The following TACR1 variants were observed in gnomAD, a reference collection of about 807,000 sequenced individuals.
TACR1 encodes the protein tachykinin receptor 1.
Under a neutral mutation model 35.8 loss-of-function variants are expected in TACR1, and 25 were observed. The observed-to-expected ratio is 0.70, with a 90% CI of 0.51 to 0.98. TACR1 has a LOEUF of 0.98. Ranked by LOEUF, TACR1 falls within the 50% of genes least tolerant of loss-of-function variation. The probability of loss-of-function intolerance (pLI) is 0.00; values close to 1 mark genes in which losing one functional copy is unlikely to be tolerated. For synonymous variants in TACR1, 195 were observed against 206.7 expected, an observed-to-expected ratio of 0.94 and a Z score of 0.48; for missense variants, 478 against 522.9, an observed-to-expected ratio of 0.91 and a Z score of 0.84.
chr2:75,103,389 G>A (rs1394922400), intron 2 of TACR1, among the ~76,000 whole-genome samples: 1 of 152,090 alleles, frequency 6.6e-6, no homozygotes, highest in Admixed American at 6.6e-5. Context: ...ATCCCTGTAA[G>A]TATGGAATAT....
At chr2:75,171,325 T>A (rs1466759358) in intron 1 of TACR1, among the ~76,000 whole-genome samples, 1 of 152,168 alleles carries the variant, frequency 6.6e-6, no homozygotes, top group Non-Finnish European at 1.5e-5. Flanking sequence ...AGTCAAGAAT[T>A]GATGTTTGGG....
intron 2 of TACR1, among the ~76,000 whole-genome samples, chr2:75,079,269 G>A (rs533052568): frequency 2.6e-5 from 4 of 152,000 alleles, no homozygotes; most frequent in Admixed American, 6.5e-5. Context: ...ACACATGGCC[G>A]CTGCTGTAGG....
chr2:75,078,212 T>C (rs1673015655), intron 2 of TACR1, among the ~76,000 whole-genome samples: 1 of 152,144 alleles, frequency 6.6e-6, no homozygotes, highest in Non-Finnish European at 1.5e-5. Context: ...AGCTGAATTA[T>C]GAGCCTAGTT....
rs759935224 is a variant in TACR1, at chr2:75,198,545, C to T, written c.389+1G>A. The T allele has an allele frequency of 1.9e-6, 3 of 1,611,756 alleles. No individual in the cohort carries two copies. Among genetic ancestry groups the T allele is most frequent in the East Asian group, 4.5e-5 (2 of 44,774 alleles). Reference sequence around the variant, plus strand: ...CGCCTTTTCACAAAGGCTAATCTCACCTATCAAAGGCCACAGCCGTCATGG... The same window carrying T: ...CGCCTTTTCACAAAGGCTAATCTCATCTATCAAAGGCCACAGCCGTCATGG... On this transcript the variant is annotated splice_donor_variant, in intron 1 of 4. Coordinates refer to ENST00000305249, the MANE Select transcript of TACR1 (RefSeq NM_001058.4). LOFTEE classifies it high-confidence loss of function.
intron 1 of TACR1, among the ~76,000 whole-genome samples, chr2:75,169,568 C>G (rs1675227200): frequency 6.6e-6 from 1 of 151,998 alleles, no homozygotes; most frequent in Non-Finnish European, 1.5e-5. Flanking sequence ...TTTTATTTTT[C>G]TTGCTAGGAT....
At chr2:75,094,862 T>A (rs75681035) in intron 2 of TACR1, among the ~76,000 whole-genome samples, 2,652 of 76,836 alleles carry the variant, frequency 0.035, 71 homozygotes, top group East Asian at 0.2. Context: ...TATATATATT[T>A]TTTTTTTTTT....
chr2:75,187,589 GGGACCTT>G (rs1345445934), intron 1 of TACR1: 3 of 152,188 alleles, frequency 2.0e-5, no homozygotes, highest in African/African-American at 7.2e-5. Context: ...AGATACAAAT[GGGACCTT>G]GGAGGTAGAA....
At chr2:75,184,619 C>T (rs950806888) in intron 1 of TACR1, among the ~76,000 whole-genome samples, 1 of 151,330 alleles carries the variant, frequency 6.6e-6, no homozygotes, top group East Asian at 1.9e-4. Context: ...AAATAAATAG[C>T]CTTCTAGTAC....
At chr2:75,186,371 CAAAAAAAAAAA>C (rs373147504) in intron 1 of TACR1, among the ~76,000 whole-genome samples, 1 of 81,828 alleles carries the variant, frequency 1.2e-5, no homozygotes, top group South Asian at 4.6e-4. Context: ...GACTCTGTCT[CAAAAAAAAAAA>C]AAAAAAAAAA....
intron 2 of TACR1, among the ~76,000 whole-genome samples, chr2:75,107,435 C>G (rs993388947): frequency 1.3e-5 from 2 of 151,674 alleles, no homozygotes; most frequent in African/African-American, 4.8e-5. Context: ...CTAATAAGTC[C>G]CAAAAGGTAA....
chr2:75,084,692 T>C (rs2103840046), intron 2 of TACR1, among the ~76,000 whole-genome samples: 1 of 152,356 alleles, frequency 6.6e-6, no homozygotes, highest in Middle Eastern at 3.4e-3. Context: ...CCATTTCTTC[T>C]AGATTTTCTA....
chr2:75,075,640 A>C (rs967582958), intron 2 of TACR1, among the ~76,000 whole-genome samples: 1 of 152,236 alleles, frequency 6.6e-6, no homozygotes, highest in Non-Finnish European at 1.5e-5. Context: ...CAATGTTCAC[A>C]ATAAATGTAA....
chr2:75,182,255 AC>A (rs1675576582), intron 1 of TACR1, among the ~76,000 whole-genome samples: 1 of 152,036 alleles, frequency 6.6e-6, no homozygotes, highest in Non-Finnish European at 1.5e-5. Context: ...CTTCTCCTGT[AC>A]CCCCATTGCC....
intron 1 of TACR1, among the ~76,000 whole-genome samples, chr2:75,130,163 T>A (rs1318874248): frequency 2.0e-5 from 3 of 152,238 alleles, no homozygotes; most frequent in Admixed American, 2.0e-4. Flanking sequence ...TGGGGTCCCC[T>A]TAAATTTTGC....
At position 75,048,927 on chromosome 2, in the gene TACR1, G is replaced by C. The variant is rs556001934; in HGVS notation, c.*505C>G. On this transcript the variant is annotated 3_prime_UTR_variant, in exon 5 of 5. Coordinates refer to ENST00000305249, the MANE Select transcript of TACR1 (RefSeq NM_001058.4). ...TCTTTTCACAGATGCTTAGAAGACA[G>C]GGCTAAATTTTTCATTTAGATGTTA... is the stretch of plus-strand genomic sequence containing the variant. 6.4e-6 allele frequency: 1 copy of C among 155,058 alleles called. No homozygotes were observed. Among genetic ancestry groups the C allele is most frequent in the East Asian group, 1.9e-4 (1 of 5,230 alleles). 9.6% of individuals were successfully genotyped at this position (155,058 alleles called of 1,614,324 possible). A position where few individuals can be genotyped will look rare whatever the true frequency, so the allele number is the denominator to read the frequency against.
At chr2:75,101,757 GA>G (rs1673536982) in intron 2 of TACR1, among the ~76,000 whole-genome samples, 1 of 152,118 alleles carries the variant, frequency 6.6e-6, no homozygotes, top group South Asian at 2.1e-4. Flanking sequence ...AGACCAGCCT[GA>G]CCTATATGGT....
Position 75,049,350 on chromosome 2 carries a change from G to T in TACR1, c.*82C>A. The T allele has an allele frequency of 6.8e-7, 1 of 1,472,338 alleles. No individual in the cohort carries two copies. The allele number at this position is 1,472,338 out of a possible 1,614,324, so 91.2% of individuals were successfully genotyped here. On this transcript the variant is annotated 3_prime_UTR_variant, in exon 5 of 5. Coordinates refer to ENST00000305249, the MANE Select transcript of TACR1 (RefSeq NM_001058.4). ...TCCCAGTGTGAGGGTGTTTCTGATG[G>T]TTCCAGATGAAGGGAATTTCCATGC...
At chr2:75,149,107 C>T (rs1674610639) in intron 1 of TACR1, among the ~76,000 whole-genome samples, 1 of 152,078 alleles carries the variant, frequency 6.6e-6, no homozygotes, top group Non-Finnish European at 1.5e-5. Context: ...CAGTACCATG[C>T]TGTTTTGGTT....
intron 2 of TACR1, among the ~76,000 whole-genome samples, chr2:75,059,832 A>G (rs753615303): frequency 1.2e-4 from 19 of 152,102 alleles, no homozygotes; most frequent in Non-Finnish European, 2.2e-4. Flanking sequence ...CTCTTCCTCA[A>G]ATGTCCTTCA....
Sources: gnomAD v4.1 joint callset for allele counts (sites outside exome capture counted in the v4.1 genomes callset) on GRCh38, gnomAD v4.1.1 for gene constraint, MANE v1.5 for transcripts, NCBI Gene and HGNC (gene_info 2026-07-23, HGNC 2026-07-21) for gene names.